The following GRB10 variants were observed in gnomAD, a reference collection of about 807,000 sequenced individuals.
GRB10 encodes growth factor receptor bound protein 10.
A neutral mutation model predicts 80.9 loss-of-function variants in GRB10; 20 were observed. That is an observed-to-expected ratio of 0.25 (90% CI 0.17 to 0.36). The LOEUF is 0.36. Among genes scored for constraint, GRB10 ranks in the 10% least tolerant of loss-of-function variants. GRB10 has a pLI of 1.00. For synonymous variants in GRB10, 291 were observed against 291.5 expected (o/e 1.00, Z 0.02); for missense variants, 548 against 747.7 (o/e 0.73, Z 3.12).
At chr7:50,706,873 C>A (rs1351544490) in intron 4 of GRB10, among the ~76,000 whole-genome samples, 1 of 152,174 alleles carries the variant, frequency 6.6e-6, no homozygotes, top group Non-Finnish European at 1.5e-5. Context: ...CCAGGCTGAG[C>A]CCTGGGTGAG....
chr7:50,691,837 C>T (rs150733801), intron 5 of GRB10, among the ~76,000 whole-genome samples: 187 of 152,268 alleles, frequency 1.2e-3, no homozygotes, highest in African/African-American at 4.1e-3. Flanking sequence ...TTATCATCAA[C>T]TTTGGCATCA....
intron 13 of GRB10, among the ~76,000 whole-genome samples, chr7:50,608,249 G>A (rs990374686): frequency 1.3e-5 from 2 of 152,186 alleles, no homozygotes; most frequent in South Asian, 2.1e-4. Flanking sequence ...TATTTTCACA[G>A]AAGCAATGGG....
intron 4 of GRB10, among the ~76,000 whole-genome samples, chr7:50,707,014 T>C (rs1432760033): frequency 3.3e-5 from 5 of 152,252 alleles, no homozygotes; most frequent in African/African-American, 1.2e-4. Flanking sequence ...CAAATGTTTT[T>C]CCCACTTTGC....
intron 2 of GRB10, among the ~76,000 whole-genome samples, chr7:50,769,868 ACT>A (rs2076798485): frequency 6.6e-6 from 1 of 151,390 alleles, no homozygotes; most frequent in Non-Finnish European, 1.5e-5. Flanking sequence ...GTTCCAAGGC[ACT>A]CTCGGGTGGA....
At chr7:50,725,443 T>C (rs2068484610) in intron 4 of GRB10, among the ~76,000 whole-genome samples, 1 of 152,242 alleles carries the variant, frequency 6.6e-6, no homozygotes, top group Non-Finnish European at 1.5e-5. Flanking sequence ...CAGTTCTTTA[T>C]AAGCGGTGTG....
At chr7:50,745,034 A>G (rs1010923841) in intron 3 of GRB10, among the ~76,000 whole-genome samples, 17 of 152,186 alleles carry the variant, frequency 1.1e-4, no homozygotes, top group African/African-American at 3.4e-4. Context: ...TCTTCTACAT[A>G]TATTTTATGC....
At chr7:50,683,013 A>G (rs1039290569) in intron 5 of GRB10, among the ~76,000 whole-genome samples, 3 of 152,272 alleles carry the variant, frequency 2.0e-5, no homozygotes, top group Admixed American at 2.0e-4. Flanking sequence ...ACTTCAACAG[A>G]TAATCGTACA....
chr7:50,787,667 G>A (rs899864394), upstream of GRB10, among the ~76,000 whole-genome samples: 7 of 152,154 alleles, frequency 4.6e-5, no homozygotes, highest in South Asian at 2.1e-4. Context: ...GAGATGAGGC[G>A]ACAATGACAC....
chr7:50,738,683 A>T (rs1033937736), intron 3 of GRB10, among the ~76,000 whole-genome samples: 4 of 152,336 alleles, frequency 2.6e-5, no homozygotes, highest in Admixed American at 6.5e-5. Flanking sequence ...TCAGATTCTA[A>T]ATCATCAGCT....
intron 5 of GRB10, among the ~76,000 whole-genome samples, chr7:50,686,170 G>C (rs575506533): frequency 5.3e-5 from 8 of 152,160 alleles, no homozygotes; most frequent in Non-Finnish European, 1.0e-4. Flanking sequence ...TGGGGCCTTT[G>C]GGAGGTGATT....
chr7:50,647,031 T>C (rs1312467915), intron 7 of GRB10, among the ~76,000 whole-genome samples: 2 of 152,154 alleles, frequency 1.3e-5, no homozygotes, highest in Admixed American at 1.3e-4. Flanking sequence ...GCAGAAAGTG[T>C]GGAGCATAAG....
At chr7:50,676,272 G>C (rs2060915817) in intron 5 of GRB10, among the ~76,000 whole-genome samples, 1 of 148,992 alleles carries the variant, frequency 6.7e-6, no homozygotes, top group Admixed American at 6.8e-5. Context: ...CCCAGGACGT[G>C]GGCTTCCTAT....
intron 4 of GRB10, among the ~76,000 whole-genome samples, chr7:50,714,356 A>G (rs767121657): frequency 1.3e-5 from 2 of 152,202 alleles, no homozygotes; most frequent in Non-Finnish European, 2.9e-5. Context: ...GTCAAATTAT[A>G]TTTATATACT....
chr7:50,671,449 C>T (rs2060339423), intron 6 of GRB10, among the ~76,000 whole-genome samples: 1 of 152,214 alleles, frequency 6.6e-6, no homozygotes, highest in South Asian at 2.1e-4. Context: ...AGCTAACTAT[C>T]CCACGTAGAC....
intron 3 of GRB10, among the ~76,000 whole-genome samples, chr7:50,739,842 T>C (rs1323870177): frequency 6.6e-6 from 1 of 152,150 alleles, no homozygotes; most frequent in Non-Finnish European, 1.5e-5. Context: ...TTTCTCTTTC[T>C]ATTCCCTCTT....
chr7:50,656,392 A>G (rs1437955139), intron 7 of GRB10, among the ~76,000 whole-genome samples: 2 of 152,188 alleles, frequency 1.3e-5, no homozygotes, highest in Non-Finnish European at 2.9e-5. Context: ...TACTGGAACA[A>G]TACATGCTGG....
intron 2 of GRB10, among the ~76,000 whole-genome samples, chr7:50,764,513 CT>C (rs1480427232): frequency 2.6e-5 from 4 of 152,200 alleles, no homozygotes; most frequent in African/African-American, 9.7e-5. Flanking sequence ...CACAGTACTC[CT>C]CCAGCATGGA....
chr7:50,753,493 T>A (rs1401744627), intron 3 of GRB10, among the ~76,000 whole-genome samples: 1 of 152,182 alleles, frequency 6.6e-6, no homozygotes, highest in African/African-American at 2.4e-5. Context: ...AGGAAAGGTT[T>A]CATGGCTTAT....
At position 50,732,372 on chromosome 7, in the gene GRB10, G is replaced by A. The variant is rs1406257287; in HGVS notation, c.-46-4C>T. The A allele has an allele frequency of 1.3e-6, 2 of 1,512,450 alleles. No homozygotes were observed. Among genetic ancestry groups the A allele is most frequent in the African/African-American group, 2.8e-5 (2 of 72,410 alleles). 93.7% of individuals were successfully genotyped at this position (1,512,450 alleles called of 1,614,324 possible). The stretch of plus-strand genomic sequence containing the variant: ...TACATTTACTGCGCTGCAGCACCTG[G>A]AATAAAGACAGACTGTGAGAAGCCA... On this transcript the variant is annotated splice_polypyrimidine_tract_variant and splice_region_variant and intron_variant, in intron 3 of 18. Coordinates refer to ENST00000401949, the MANE Select transcript of GRB10 (RefSeq NM_001350814.2).
Sources: gnomAD v4.1 joint callset for allele counts (sites outside exome capture counted in the v4.1 genomes callset) on GRCh38, gnomAD v4.1.1 for gene constraint, MANE v1.5 for transcripts, NCBI Gene and HGNC (gene_info 2026-07-23, HGNC 2026-07-21) for gene names.